PTPRD: variants seen among roughly 807,000 people sequenced by gnomAD.
PTPRD encodes protein tyrosine phosphatase receptor type D, also known as receptor-type tyrosine-protein phosphatase delta.
In PTPRD, 34 loss-of-function variants were observed where a neutral mutation model predicts 214.5. That is an observed-to-expected ratio of 0.16 (90% CI 0.12 to 0.21). The LOEUF is 0.21. Among genes scored for constraint, PTPRD ranks in the 10% least tolerant of loss-of-function variants. PTPRD has a pLI of 1.00. For synonymous variants in PTPRD, 1,128 were observed against 845.7 expected (o/e 1.33, Z -5.79); for missense variants, 2,545 against 2,398.7 (o/e 1.06, Z -1.27).
In PTPRD at chr9:8,659,040, T is replaced by A. The variant is rs184293621; in HGVS notation, c.65-22196A>T. Among the ~76,000 whole-genome samples the A allele has an allele frequency of 2.9e-3, 438 of 151,564 alleles. 8 individuals are homozygous for A. Among genetic ancestry groups the A allele is most frequent in the African/African-American group, 0.01 (419 of 41,202 alleles). On this transcript the variant is annotated intron_variant, in intron 12 of 45. Transcript: ENST00000381196. ...CATCCTTAGGAAGCCTTGAACTTAT[T>A]CTCATCCTTCAACAATGTCAAAAGA...
intron 11 of PTPRD, among the ~76,000 whole-genome samples, chr9:9,009,851 T>A (rs1124202): frequency 1.5e-4 from 23 of 151,616 alleles, no homozygotes; most frequent in African/African-American, 5.1e-4. Context: ...TATACTAATC[T>A]TCATAAATTC....
At chr9:10,560,114 T>C (rs1175498695) in intron 2 of PTPRD, among the ~76,000 whole-genome samples, 1 of 152,184 alleles carries the variant, frequency 6.6e-6, no homozygotes, top group Non-Finnish European at 1.5e-5. Flanking sequence ...CACACGTATG[T>C]TTATCGCGGC....
chr9:9,495,443 TA>T (rs1340106469), intron 8 of PTPRD, among the ~76,000 whole-genome samples: 1 of 152,096 alleles, frequency 6.6e-6, no homozygotes, highest in Non-Finnish European at 1.5e-5. Context: ...AATGCCTTTT[TA>T]CCAATCAAAT....
At chr9:9,647,619 C>A (rs2096228532) in intron 7 of PTPRD, among the ~76,000 whole-genome samples, 1 of 152,140 alleles carries the variant, frequency 6.6e-6, no homozygotes. Flanking sequence ...GTCATAAATT[C>A]TCAGGGGAAG....
At chr9:9,867,131 A>G (rs1440656373) in intron 5 of PTPRD, among the ~76,000 whole-genome samples, 2 of 152,174 alleles carry the variant, frequency 1.3e-5, no homozygotes, top group Non-Finnish European at 2.9e-5. Flanking sequence ...ACGGAAAAGG[A>G]GTCAATATTA....
chr9:9,362,992 A>G (rs1193465744), intron 9 of PTPRD, among the ~76,000 whole-genome samples: 1 of 151,222 alleles, frequency 6.6e-6, no homozygotes, highest in Non-Finnish European at 1.5e-5. Flanking sequence ...AATTAACAGG[A>G]GGCAGCTCCA....
At chr9:9,439,395 T>C (rs1261728830) in intron 8 of PTPRD, among the ~76,000 whole-genome samples, 2 of 152,172 alleles carry the variant, frequency 1.3e-5, no homozygotes, top group African/African-American at 4.8e-5. Flanking sequence ...TTAGGTCTTA[T>C]CTAACAATTT....
chr9:10,198,312 T>TA (rs1466350703), intron 3 of PTPRD, among the ~76,000 whole-genome samples: 3 of 152,144 alleles, frequency 2.0e-5, no homozygotes, highest in African/African-American at 7.2e-5. Flanking sequence ...GTAGCAACAC[T>TA]GACAGGTCAG....
chr9:8,493,005 T>C, intron 26 of PTPRD, 26 bp from the exon 27 acceptor site: 1 of 1,574,460 alleles, frequency 6.4e-7, no homozygotes, highest in Non-Finnish European at 8.7e-7. Context: ...AGAATGTCAC[T>C]GATTCAAAAC....
chr9:9,682,245 G>A (rs1232970689), intron 7 of PTPRD, among the ~76,000 whole-genome samples: 1 of 151,700 alleles, frequency 6.6e-6, no homozygotes, highest in Non-Finnish European at 1.5e-5. Flanking sequence ...AGGAATAGGT[G>A]ATCTTTTAAG....
chr9:9,784,239 A>G (rs1277147073), intron 5 of PTPRD, among the ~76,000 whole-genome samples: 1 of 152,130 alleles, frequency 6.6e-6, no homozygotes, highest in Non-Finnish European at 1.5e-5. Flanking sequence ...AAGCTAACAT[A>G]TCTAAAAGAT....
intron 2 of PTPRD, among the ~76,000 whole-genome samples, chr9:10,397,316 G>T (rs1302593620): frequency 6.6e-6 from 1 of 151,970 alleles, no homozygotes; most frequent in East Asian, 1.9e-4. Context: ...TCAGACATTT[G>T]TTGTGTCAGT....
At chr9:8,964,133 T>G (rs895655625) in intron 11 of PTPRD, among the ~76,000 whole-genome samples, 1 of 150,772 alleles carries the variant, frequency 6.6e-6, no homozygotes, top group African/African-American at 2.4e-5. Flanking sequence ...GAATTGGTAC[T>G]AGCTCTTCTT....
At chr9:10,332,812 A>G (rs56995449) in intron 3 of PTPRD, among the ~76,000 whole-genome samples, 7,640 of 151,876 alleles carry the variant, frequency 0.05, 619 homozygotes, top group African/African-American at 0.17. Context: ...TGAGCCTCTC[A>G]GGACAGTTTA....
chr9:10,084,519 C>A (rs190290266), intron 3 of PTPRD, among the ~76,000 whole-genome samples: 3 of 152,048 alleles, frequency 2.0e-5, no homozygotes, highest in Non-Finnish European at 4.4e-5. Flanking sequence ...CCCACTCACA[C>A]ATTATTCTGC....
At chr9:9,260,924 C>T (rs933591708) in intron 9 of PTPRD, among the ~76,000 whole-genome samples, 6 of 151,790 alleles carry the variant, frequency 4.0e-5, no homozygotes, top group African/African-American at 1.2e-4. Context: ...CAGAAACAGC[C>T]CAAAGATGAA....
In PTPRD at chr9:10,094,129, G is replaced by A. The variant is rs2098460008; in HGVS notation, c.-544-60339C>T. Among the ~76,000 whole-genome samples the A allele has an allele frequency of 2.0e-5, 3 of 151,414 alleles. No homozygotes were observed. The Admixed American group carries it at 2.0e-4, about 10-fold the overall frequency. ...AAATAAAATAAAATATATGTTTAAA[G>A]CTTCCAGAATTGTAGGATTAGCTGA... On this transcript the variant is annotated intron_variant, in intron 3 of 45. Transcript: ENST00000381196.
At chr9:10,115,288 CTGAT>C (rs1204881959) in intron 3 of PTPRD, among the ~76,000 whole-genome samples, 5 of 152,026 alleles carry the variant, frequency 3.3e-5, no homozygotes, top group African/African-American at 1.2e-4. Context: ...CAGAGCCTTT[CTGAT>C]TAAGTATGAT....
At chr9:10,065,538 G>C (rs1270018972) in intron 3 of PTPRD, among the ~76,000 whole-genome samples, 3 of 151,648 alleles carry the variant, frequency 2.0e-5, no homozygotes, top group Non-Finnish European at 4.4e-5. Context: ...ACCATTTTCA[G>C]TACAAATAAA....
Sources: allele counts gnomAD v4.1 joint callset (sites outside exome capture counted in the v4.1 genomes callset), GRCh38; gene constraint gnomAD v4.1.1; transcripts MANE v1.5; gene names NCBI Gene and HGNC (gene_info 2026-07-23, HGNC 2026-07-21).